Variants in ULK4 observed in about 807,000 individuals in gnomAD.
ULK4 encodes the protein inactive serine/threonine-protein kinase ULK4.
ULK4 carries 133 observed loss-of-function variants against 160.6 expected under a neutral mutation model. The ratio of observed to expected loss-of-function variants is 0.83; its 90% CI spans 0.72 to 0.96. The LOEUF (loss-of-function observed/expected upper bound fraction) is 0.96, where lower values mean the gene tolerates loss of function less well. Ranked by LOEUF, ULK4 falls within the 40% of genes least tolerant of loss-of-function variation. The pLI is 0.00. For missense variants in ULK4, 1,580 were observed against 1,499.5 expected, an observed-to-expected ratio of 1.05 and a Z score of -0.89; for synonymous variants, 534 against 539.8, an observed-to-expected ratio of 0.99 and a Z score of 0.15.
chr3:41,482,254 G>A (rs1442215285), intron 32 of ULK4, among the ~76,000 whole-genome samples: 1 of 152,218 alleles, frequency 6.6e-6, no homozygotes, highest in African/African-American at 2.4e-5. Context: ...CCAGGCCACA[G>A]CCAGCTGTTT....
chr3:41,278,543 G>A (rs2079276178), intron 35 of ULK4, among the ~76,000 whole-genome samples: 1 of 152,156 alleles, frequency 6.6e-6, no homozygotes, highest in Non-Finnish European at 1.5e-5. Flanking sequence ...CCTCCCAGTA[G>A]GGGCCAACAG....
intron 33 of ULK4, among the ~76,000 whole-genome samples, chr3:41,460,839 C>G (rs571572088): frequency 6.6e-6 from 1 of 152,180 alleles, no homozygotes; most frequent in African/African-American, 2.4e-5. Flanking sequence ...TCACAACCAC[C>G]CCGCAGAGTG....
chr3:41,696,834 T>G (rs150521383), intron 27 of ULK4, among the ~76,000 whole-genome samples: 146 of 152,140 alleles, frequency 9.6e-4, no homozygotes, highest in African/African-American at 3.4e-3. Flanking sequence ...ATGGTCAGAG[T>G]CAGAGAAGAT....
intron 32 of ULK4, among the ~76,000 whole-genome samples, chr3:41,532,708 AT>A (rs1480794276): frequency 6.6e-6 from 1 of 152,160 alleles, no homozygotes; most frequent in Non-Finnish European, 1.5e-5. Flanking sequence ...ACAAGAGTGG[AT>A]TTAAATAGTT....
chr3:41,492,212 A>G lies in ULK4; in HGVS notation c.3227-28959T>C, dbSNP rs370215378. The stretch of plus-strand genomic sequence containing the variant: ...AACATACGTGTGCATGTGTCTTTAT[A>G]GCAGCATGATTTATAGTCCTTTGGG... On this transcript the variant is annotated intron_variant, in intron 32 of 36. Coordinates refer to ENST00000301831, the MANE Select transcript of ULK4 (RefSeq NM_017886.4). 5.4e-4 allele frequency among the ~76,000 whole-genome samples: 82 copies of G among 152,200 alleles called. No homozygotes were observed. The South Asian group carries it at 0.015, about 27-fold the overall frequency.
chr3:41,901,169 CTTCTTTTTTTTTTT>C (rs1379737927), intron 12 of ULK4, among the ~76,000 whole-genome samples: 3 of 95,744 alleles, frequency 3.1e-5, no homozygotes, highest in East Asian at 6.8e-4. Context: ...AACAGCATGG[CTTCTTTTTTTTTTT>C]TTTTTTTTTT....
chr3:41,954,822 A>AT lies in ULK4; in HGVS notation c.-48-16_-48-15insA, dbSNP rs1700429743. ...ATCTCTAGCTCCTAAGAAGTAAACAAAAATGACATTGATAAATGCAAGTTA... is the reference window on the plus strand; with the variant it reads ...ATCTCTAGCTCCTAAGAAGTAAACAATAAATGACATTGATAAATGCAAGTTA... On this transcript the variant is annotated splice_polypyrimidine_tract_variant and intron_variant, in intron 1 of 36. Transcript: ENST00000301831. 1 of 1,483,516 alleles carries AT rather than the reference A, an allele frequency of 6.7e-7. No homozygotes were observed. Among genetic ancestry groups the AT allele is most frequent in the Admixed American group, 2.2e-5 (1 of 45,622 alleles). 91.9% of individuals were successfully genotyped at this position (1,483,516 alleles called of 1,614,324 possible).
At chr3:41,648,873 C>A (rs537472072) in intron 30 of ULK4, among the ~76,000 whole-genome samples, 2 of 152,228 alleles carry the variant, frequency 1.3e-5, no homozygotes, top group Non-Finnish European at 2.9e-5. Context: ...GTGGCTCACA[C>A]CTATAATCCC....
At chr3:41,714,852 T>TTAAAAAAAAA (rs1553638784) in intron 25 of ULK4, among the ~76,000 whole-genome samples, 1 of 131,358 alleles carries the variant, frequency 7.6e-6, no homozygotes, top group African/African-American at 3.3e-5. Flanking sequence ...ACTCTGTCTT[T>TTAAAAAAAAA]AAAAAAAAAA....
intron 30 of ULK4, among the ~76,000 whole-genome samples, chr3:41,626,527 T>C: frequency 6.7e-6 from 1 of 150,248 alleles, no homozygotes. Flanking sequence ...GAAAGTACAT[T>C]GCTTTTTTTT....
chr3:41,642,194 CT>C (rs199753445), intron 30 of ULK4, among the ~76,000 whole-genome samples: 1 of 151,194 alleles, frequency 6.6e-6, no homozygotes, highest in Non-Finnish European at 1.5e-5. Flanking sequence ...AGTTTTTACT[CT>C]TTTTTTTTAA....
Position 41,435,791 on chromosome 3 carries a change from A to G in ULK4, c.3492+19706T>C, listed in dbSNP as rs558515726. Reference sequence around the variant, plus strand: ...GTGAAACCCTATCTCTACCAAAAATATAAAAATTAGCTGGGCATGGTGGCA... The same window carrying G: ...GTGAAACCCTATCTCTACCAAAAATGTAAAAATTAGCTGGGCATGGTGGCA... On this transcript the variant is annotated intron_variant, in intron 34 of 36. Transcript: ENST00000301831. Among the ~76,000 whole-genome samples, 81 of 152,198 alleles carry G rather than the reference A, an allele frequency of 5.3e-4. 1 individual carries two copies. Among genetic ancestry groups the G allele is most frequent in the Non-Finnish European group, 9.6e-4 (65 of 67,992 alleles).
chr3:41,929,879 A>G (rs1699528446), intron 5 of ULK4, among the ~76,000 whole-genome samples: 1 of 152,120 alleles, frequency 6.6e-6, no homozygotes, highest in Non-Finnish European at 1.5e-5. Flanking sequence ...TCATGGATAG[A>G]AAGAATCAAA....
At chr3:41,715,677 A>T in intron 23 of ULK4, 109 bp from the exon 24 acceptor site, 1 of 1,396,740 alleles carries the variant, frequency 7.2e-7, no homozygotes, top group Non-Finnish European at 9.7e-7. Context: ...TTAATCTCCA[A>T]ATAAAATAAG....
At chr3:41,746,536 G>A (rs531930922) in intron 22 of ULK4, among the ~76,000 whole-genome samples, 26 of 151,026 alleles carry the variant, frequency 1.7e-4, no homozygotes, top group African/African-American at 5.6e-4. Context: ...CACATTCAAG[G>A]ATCAGCAGAC....
intron 32 of ULK4, among the ~76,000 whole-genome samples, chr3:41,478,302 C>T (rs989949187): frequency 6.6e-6 from 1 of 152,230 alleles, no homozygotes; most frequent in Non-Finnish European, 1.5e-5. Flanking sequence ...CATGCTGAGA[C>T]TTCTCAAATA....
At chr3:41,759,549 C>T (rs2038919595) in intron 21 of ULK4, among the ~76,000 whole-genome samples, 1 of 152,110 alleles carries the variant, frequency 6.6e-6, no homozygotes, top group African/African-American at 2.4e-5. Context: ...AGTTAGTCAT[C>T]AATTCTCCCC....
At chr3:41,788,057 G>A (rs2040046888) in intron 21 of ULK4, among the ~76,000 whole-genome samples, 1 of 152,076 alleles carries the variant, frequency 6.6e-6, no homozygotes, top group Admixed American at 6.6e-5. Context: ...AACATTTAAT[G>A]AGTGAAAATT....
At chr3:41,726,132 T>G (rs932232998) in intron 22 of ULK4, among the ~76,000 whole-genome samples, 2 of 152,268 alleles carry the variant, frequency 1.3e-5, no homozygotes, top group African/African-American at 2.4e-5. Context: ...AATTTGATAA[T>G]GTGTTGCTTA....
Sources: gnomAD v4.1 joint callset for allele counts (sites outside exome capture counted in the v4.1 genomes callset) on GRCh38, gnomAD v4.1.1 for gene constraint, MANE v1.5 for transcripts, NCBI Gene and HGNC (gene_info 2026-07-23, HGNC 2026-07-21) for gene names.